IL1RAPL1: variants seen among roughly 807,000 people sequenced by gnomAD.
IL1RAPL1 encodes interleukin 1 receptor accessory protein like 1.
In IL1RAPL1, 3 loss-of-function variants were observed where a neutral mutation model predicts 48.4. The observed-to-expected ratio is 0.06, with a 90% CI of 0.03 to 0.16. The LOEUF is 0.16. Among genes scored for constraint, IL1RAPL1 ranks in the 10% least tolerant of loss-of-function variants. The pLI, the probability that IL1RAPL1 is intolerant of heterozygous loss-of-function variation, is 1.00. For missense variants in IL1RAPL1, 349 were observed against 530.6 expected, an observed-to-expected ratio of 0.66 and a Z score of 3.36; for synonymous variants, 185 against 187.7, an observed-to-expected ratio of 0.99 and a Z score of 0.12.
intron 2 of IL1RAPL1, among the ~76,000 whole-genome samples, chrX:28,923,256 A>G (rs1320135997): frequency 4.6e-5 from 5 of 109,745 alleles, no homozygotes; most frequent in Non-Finnish European, 9.5e-5. Context: ...GGCTCACTGC[A>G]ACCTCTGCCT....
intron 6 of IL1RAPL1, among the ~76,000 whole-genome samples, chrX:29,783,193 C>T (rs1249070676): frequency 9.1e-6 from 1 of 110,403 alleles, no homozygotes; most frequent in African/African-American, 3.3e-5. Flanking sequence ...CGTGAGCCAC[C>T]GCGCCCGGCC....
chrX:29,723,786 G>C (rs1203565945), intron 6 of IL1RAPL1, among the ~76,000 whole-genome samples: 1 of 111,542 alleles, frequency 9.0e-6, no homozygotes, highest in Non-Finnish European at 1.9e-5. Flanking sequence ...TTCTGAATGA[G>C]GCAGGCGGTG....
intron 1 of IL1RAPL1, among the ~76,000 whole-genome samples, chrX:28,594,345 A>G (rs1933933210): frequency 8.9e-6 from 1 of 112,219 alleles, no homozygotes; most frequent in African/African-American, 3.2e-5. Context: ...AGGATTCAAC[A>G]GTTGTAATTT....
intron 2 of IL1RAPL1, among the ~76,000 whole-genome samples, chrX:28,945,080 T>C (rs1289263718): frequency 1.8e-5 from 2 of 111,375 alleles, no homozygotes; most frequent in Non-Finnish European, 3.8e-5. Context: ...AGAATGACGA[T>C]TATTAAAAAG....
intron 2 of IL1RAPL1, among the ~76,000 whole-genome samples, chrX:29,149,754 A>G (rs1929422982): frequency 8.9e-6 from 1 of 111,933 alleles, no homozygotes; most frequent in South Asian, 3.7e-4. Flanking sequence ...ATACCCTTAC[A>G]CTCAATCCCA....
chrX:28,881,634 G>A (rs1267634364), intron 2 of IL1RAPL1, among the ~76,000 whole-genome samples: 1 of 111,167 alleles, frequency 9.0e-6, no homozygotes. Context: ...AGATAATTAA[G>A]CAAAATCAGG....
chrX:29,922,059 TG>T (rs1027620138), intron 8 of IL1RAPL1, among the ~76,000 whole-genome samples: 10 of 109,083 alleles, frequency 9.2e-5, no homozygotes, highest in Admixed American at 4.9e-4. Flanking sequence ...CAACATATTT[TG>T]GGGGGGGACA....
chrX:29,384,099 G>T (rs926795645), intron 3 of IL1RAPL1, among the ~76,000 whole-genome samples: 3 of 112,053 alleles, frequency 2.7e-5, no homozygotes, highest in African/African-American at 9.7e-5. Flanking sequence ...TAGACTATTT[G>T]TTCCCTAAGC....
intron 6 of IL1RAPL1, among the ~76,000 whole-genome samples, chrX:29,889,212 A>G (rs773896790): frequency 8.9e-6 from 1 of 111,958 alleles, no homozygotes; most frequent in East Asian, 2.8e-4. Flanking sequence ...CATGTTTGAA[A>G]TAAACTAAAT....
chrX:28,981,835 A>C (rs779553123), intron 2 of IL1RAPL1, among the ~76,000 whole-genome samples: 38 of 111,179 alleles, frequency 3.4e-4, no homozygotes, highest in African/African-American at 1.2e-3. Context: ...GAAGTATCCT[A>C]ACTCAACCCC....
At chrX:28,858,960 A>C (rs983697838) in intron 2 of IL1RAPL1, among the ~76,000 whole-genome samples, 7 of 112,390 alleles carry the variant, frequency 6.2e-5, no homozygotes, top group African/African-American at 2.3e-4. Context: ...TCAAAGTTAA[A>C]CTTTTTCTTT....
At chrX:28,671,237 A>T (rs1168275897) in intron 1 of IL1RAPL1, among the ~76,000 whole-genome samples, 1 of 112,252 alleles carries the variant, frequency 8.9e-6, no homozygotes, top group African/African-American at 3.2e-5. Flanking sequence ...TAGACTGAAC[A>T]AAACTTATAA....
At chrX:29,723,053 G>T (rs1927676828) in intron 6 of IL1RAPL1, among the ~76,000 whole-genome samples, 1 of 111,889 alleles carries the variant, frequency 8.9e-6, no homozygotes, top group African/African-American at 3.2e-5. Flanking sequence ...ATATAAGAAA[G>T]CTATAGCTTT....
intron 2 of IL1RAPL1, among the ~76,000 whole-genome samples, chrX:29,195,975 T>A (rs1930436816): frequency 8.9e-6 from 1 of 111,945 alleles, no homozygotes; most frequent in Admixed American, 9.5e-5. Flanking sequence ...TAAACAAATT[T>A]TCTTCGGTAA....
At chrX:29,002,910 T>C (rs909410192) in intron 2 of IL1RAPL1, among the ~76,000 whole-genome samples, 2 of 80,985 alleles carry the variant, frequency 2.5e-5, no homozygotes, top group African/African-American at 9.7e-5. Context: ...CAACCAGTTA[T>C]GTGTGTACAC....
chrX:29,727,930 T>A (rs1326578531), intron 6 of IL1RAPL1, among the ~76,000 whole-genome samples: 2 of 110,893 alleles, frequency 1.8e-5, no homozygotes, highest in Non-Finnish European at 3.8e-5. Flanking sequence ...ATTCTTCTTC[T>A]TGTTATTTAT....
intron 2 of IL1RAPL1, among the ~76,000 whole-genome samples, chrX:29,215,111 G>A (rs1171201221): frequency 9.0e-6 from 1 of 111,543 alleles, no homozygotes; most frequent in African/African-American, 3.3e-5. Context: ...ACTTCGGGAG[G>A]CCGAGGTGGG....
At chrX:29,443,960 C>A (rs899347552) in intron 5 of IL1RAPL1, among the ~76,000 whole-genome samples, 2 of 112,046 alleles carry the variant, frequency 1.8e-5, no homozygotes, top group Non-Finnish European at 1.9e-5. Context: ...TCCCATTGAC[C>A]AAAGCAAGTT....
At chrX:29,194,976 C>T (rs1340358830) in intron 2 of IL1RAPL1, among the ~76,000 whole-genome samples, 4 of 111,227 alleles carry the variant, frequency 3.6e-5, no homozygotes, top group South Asian at 3.8e-4. Flanking sequence ...GAAGTTAACT[C>T]GCCCCAACCC....
Sources: allele counts gnomAD v4.1 joint callset (sites outside exome capture counted in the v4.1 genomes callset), GRCh38; gene constraint gnomAD v4.1.1; transcripts MANE v1.5; gene names NCBI Gene and HGNC (gene_info 2026-07-23, HGNC 2026-07-21).